Variants in SLC25A21 observed in about 807,000 individuals in gnomAD.
SLC25A21 encodes solute carrier family 25 member 21, also known as mitochondrial 2-oxodicarboxylate carrier.
A neutral mutation model predicts 43.8 loss-of-function variants in SLC25A21; 47 were observed. The ratio of observed to expected loss-of-function variants is 1.07; its 90% confidence interval spans 0.85 to 1.37. The LOEUF is 1.37. Among genes scored for constraint, SLC25A21 ranks in the 40% most tolerant of loss-of-function variants. SLC25A21 has a pLI of 0.00. For synonymous variants in SLC25A21, 131 were observed against 121.3 expected (o/e 1.08, Z -0.52); for missense variants, 352 against 350.2 (o/e 1.00, Z -0.04).
chr14:36,952,200 C>CT (rs1892828774), intron 1 of SLC25A21: 1 of 153,068 alleles, frequency 6.5e-6, no homozygotes, highest in Non-Finnish European at 1.5e-5. Flanking sequence ...CACTGCACTC[C>CT]AGCCTGGGCA....
At chr14:37,102,995 A>T (rs1259719397) in intron 1 of SLC25A21, among the ~76,000 whole-genome samples, 1 of 152,044 alleles carries the variant, frequency 6.6e-6, no homozygotes, top group East Asian at 1.9e-4. Context: ...GTCTCAAAAA[A>T]AAAAAAAATT....
chr14:36,935,579 G>C (rs1892402144), intron 1 of SLC25A21, among the ~76,000 whole-genome samples: 1 of 152,080 alleles, frequency 6.6e-6, no homozygotes, highest in South Asian at 2.1e-4. Flanking sequence ...CTCCTGATTG[G>C]CACTGTTCAA....
intron 7 of SLC25A21, among the ~76,000 whole-genome samples, chr14:36,691,049 C>G (rs1329680260): frequency 1.3e-5 from 2 of 152,134 alleles, no homozygotes; most frequent in South Asian, 2.1e-4. Flanking sequence ...CCAGAGCAGA[C>G]GAGGTACCTG....
chr14:37,134,661 A>T (rs79298336), intron 1 of SLC25A21, among the ~76,000 whole-genome samples: 1 of 151,088 alleles, frequency 6.6e-6, no homozygotes, highest in African/African-American at 2.4e-5. Flanking sequence ...AAAAAAAAAA[A>T]AAGAAAGAAA....
intron 2 of SLC25A21, among the ~76,000 whole-genome samples, chr14:36,838,331 C>T (rs2138493473): frequency 6.6e-6 from 1 of 152,350 alleles, no homozygotes; most frequent in East Asian, 1.9e-4. Flanking sequence ...AGCTGTAGTA[C>T]AGCACGACAC....
At chr14:36,792,979 G>A (rs74044990) in intron 3 of SLC25A21, among the ~76,000 whole-genome samples, 1,593 of 152,026 alleles carry the variant, frequency 0.01, 26 homozygotes, top group African/African-American at 0.035. Flanking sequence ...ATCCCTCTCT[G>A]GTTCTTATTT....
intron 1 of SLC25A21, among the ~76,000 whole-genome samples, chr14:37,074,304 A>G (rs1392626495): frequency 6.6e-6 from 1 of 152,048 alleles, no homozygotes; most frequent in African/African-American, 2.4e-5. Context: ...ATTTCACAAC[A>G]TACAACTTAT....
chr14:36,880,706 C>A (rs758020799), intron 1 of SLC25A21, among the ~76,000 whole-genome samples: 7 of 152,072 alleles, frequency 4.6e-5, no homozygotes, highest in Non-Finnish European at 8.8e-5. Flanking sequence ...TTAGTTTGAA[C>A]CTTATATAAA....
At chr14:36,804,718 T>C (rs777956466) in intron 3 of SLC25A21, among the ~76,000 whole-genome samples, 56 of 152,368 alleles carry the variant, frequency 3.7e-4, no homozygotes, top group African/African-American at 1.1e-3. Context: ...AAGTCATTGA[T>C]GAAAATAAAC....
chr14:36,942,183 A>T (rs532494689), intron 1 of SLC25A21, among the ~76,000 whole-genome samples: 21 of 152,282 alleles, frequency 1.4e-4, no homozygotes, highest in African/African-American at 4.3e-4. Flanking sequence ...GTTTCTAATG[A>T]CTTAAATTCA....
chr14:36,706,448 T>C (rs1176827358), intron 7 of SLC25A21, among the ~76,000 whole-genome samples: 2 of 152,186 alleles, frequency 1.3e-5, no homozygotes, highest in African/African-American at 2.4e-5. Flanking sequence ...GGTAGACCGA[T>C]GACTTCTAAA....
At chr14:36,867,151 G>T (rs1232557605) in intron 2 of SLC25A21, among the ~76,000 whole-genome samples, 2 of 152,032 alleles carry the variant, frequency 1.3e-5, no homozygotes, top group Non-Finnish European at 2.9e-5. Flanking sequence ...TACAGCTAAT[G>T]GGAACCTTCT....
intron 2 of SLC25A21, among the ~76,000 whole-genome samples, chr14:36,863,152 G>GA (rs1890120805): frequency 2.0e-5 from 3 of 152,104 alleles, no homozygotes. Flanking sequence ...TTAAAAAAGA[G>GA]AAAAAATGAT....
At chr14:36,822,049 G>C (rs1242653143) in intron 2 of SLC25A21, among the ~76,000 whole-genome samples, 1 of 152,142 alleles carries the variant, frequency 6.6e-6, no homozygotes, top group Non-Finnish European at 1.5e-5. Context: ...ATAACACCCA[G>C]GTCCTGCCCT....
chr14:37,025,587 G>A (rs1433733754), intron 1 of SLC25A21, among the ~76,000 whole-genome samples: 1 of 152,098 alleles, frequency 6.6e-6, no homozygotes, highest in Non-Finnish European at 1.5e-5. Flanking sequence ...AATTTAAATA[G>A]AAAATATAAA....
At chr14:36,897,053 T>C (rs1891261919) in intron 1 of SLC25A21, among the ~76,000 whole-genome samples, 1 of 152,196 alleles carries the variant, frequency 6.6e-6, no homozygotes. Context: ...TTTTGTGTTG[T>C]TCTCTGTATT....
chr14:36,816,856 A>C (rs555835718), intron 2 of SLC25A21, among the ~76,000 whole-genome samples: 1 of 152,180 alleles, frequency 6.6e-6, no homozygotes, highest in Non-Finnish European at 1.5e-5. Flanking sequence ...ACTTTGGTTC[A>C]GTTCAAATAA....
intron 1 of SLC25A21, among the ~76,000 whole-genome samples, chr14:36,907,644 A>C (rs1891572137): frequency 6.6e-6 from 1 of 152,160 alleles, no homozygotes; most frequent in Admixed American, 6.6e-5. Flanking sequence ...AAGATGGATT[A>C]GGTTTTTGGA....
chr14:36,892,724 G>T (rs1033447553), intron 1 of SLC25A21, among the ~76,000 whole-genome samples: 1 of 151,938 alleles, frequency 6.6e-6, no homozygotes, highest in African/African-American at 2.4e-5. Context: ...ACTGGCCCCG[G>T]TGTGTGATGT....
Sources: allele counts gnomAD v4.1 joint callset (sites outside exome capture counted in the v4.1 genomes callset), GRCh38; gene constraint gnomAD v4.1.1; transcripts MANE v1.5; gene names NCBI Gene and HGNC (gene_info 2026-07-23, HGNC 2026-07-21).